Variants in KIF24 observed in about 807,000 individuals in gnomAD.
KIF24 encodes kinesin family member 24.
Under a neutral mutation model 118.9 loss-of-function variants are expected in KIF24, and 81 were observed. The ratio of observed to expected loss-of-function variants is 0.68; its 90% CI spans 0.57 to 0.82. The LOEUF is 0.82. Ranked by LOEUF, KIF24 falls within the 40% of genes least tolerant of loss-of-function variation. The pLI, the probability that KIF24 is intolerant of heterozygous loss-of-function variation, is 0.00. For missense variants in KIF24, 1,560 were observed against 1,661.6 expected, an observed-to-expected ratio of 0.94 and a Z score of 1.06; for synonymous variants, 599 against 610.0, an observed-to-expected ratio of 0.98 and a Z score of 0.27.
intron 6 of KIF24, among the ~76,000 whole-genome samples, chr9:34,285,356 G>A (rs751047724): frequency 2.7e-4 from 41 of 152,232 alleles, no homozygotes; most frequent in Middle Eastern, 3.4e-3. Context: ...GGCCAGGTGC[G>A]GTGGCTCACG....
chr9:34,259,711 C>G lies in KIF24; in HGVS notation c.1516-6G>C. 6.3e-7 allele frequency: 1 copy of G among 1,598,524 alleles called. No homozygotes were observed. The highest frequency in any genetic ancestry group is 8.6e-7 in the Non-Finnish European group (1 of 1,166,052). On this transcript the variant is annotated splice_polypyrimidine_tract_variant and splice_region_variant and intron_variant, in intron 9 of 12. Coordinates refer to ENST00000402558, the MANE Select transcript of KIF24 (RefSeq NM_194313.4). ...ATGAAAGAGTCCTTCAGGACCTGTC[C>G]AAAACAGAAGGCAGGTCAATGAGTG...
rs1406100970 is a variant in KIF24 at position 34,310,717 on chromosome 9, T to G, written c.623+7A>C. The G allele has an allele frequency of 4.5e-6, 7 of 1,563,176 alleles. No homozygotes were observed. The highest frequency in any genetic ancestry group is 6.0e-6 in the Non-Finnish European group (7 of 1,157,940). ...CCCTCAAAAGAAAGAAAGATAAAATTTATTACCTGATACAAGAATGAGGGA... is the reference window on the plus strand; with the variant it reads ...CCCTCAAAAGAAAGAAAGATAAAATGTATTACCTGATACAAGAATGAGGGA... On this transcript the variant is annotated splice_region_variant and intron_variant, in intron 2 of 12. Transcript: ENST00000402558.
rs1834880736 is a variant in KIF24 at position 34,257,150 on chromosome 9, T to C, written c.2457A>G (p.Gln819=). 2 of 1,614,062 alleles carry C rather than the reference T, an allele frequency of 1.2e-6. No homozygotes were observed. Among genetic ancestry groups the C allele is most frequent in the South Asian group, 1.1e-5 (1 of 91,092 alleles). The part of the protein sequence containing the change: ...HSYSENHDGA[Q]VEELDDSDFS... ...AATCACTGTCATCAAGTTCCTCTAC[T>C]TGGGCTCCATCATGGTTTTCAGAGT... The change falls in exon 11 of 13, where the codon CAA becomes CAG. Residue 819 remains glutamine, a synonymous_variant. Transcript: ENST00000402558.
chr9:34,279,917 G>A (rs1309523281), intron 6 of KIF24, among the ~76,000 whole-genome samples: 1 of 152,158 alleles, frequency 6.6e-6, no homozygotes, highest in African/African-American at 2.4e-5. Flanking sequence ...TGCAGACTGA[G>A]GGTATCAATG....
At chr9:34,303,757 G>C (rs1391338498) in intron 3 of KIF24, among the ~76,000 whole-genome samples, 2 of 152,184 alleles carry the variant, frequency 1.3e-5, no homozygotes, top group African/African-American at 2.4e-5. Flanking sequence ...GCTGAGGTGG[G>C]AGGATCATTT....
At chr9:34,279,683 G>A (rs1045377226) in intron 6 of KIF24, among the ~76,000 whole-genome samples, 4 of 152,240 alleles carry the variant, frequency 2.6e-5, no homozygotes, top group African/African-American at 7.2e-5. Context: ...TGATCTGAGA[G>A]GGTAATACTC....
Position 34,317,261 on chromosome 9 carries a change from G to A in KIF24, c.-25-5890C>T, listed in dbSNP as rs375364331. On this transcript the variant is annotated intron_variant, in intron 1 of 12. Coordinates refer to ENST00000402558, the MANE Select transcript of KIF24 (RefSeq NM_194313.4). Reference sequence around the variant, plus strand: ...AAAAATTGGCCAGGCATGGTGGCACGCGCCTGTAATCCCAGCTACTCTGGA... The same window carrying A: ...AAAAATTGGCCAGGCATGGTGGCACACGCCTGTAATCCCAGCTACTCTGGA... Among the ~76,000 whole-genome samples the A allele has an allele frequency of 2.0e-3, 296 of 150,834 alleles. 1 individual carries two copies. Among genetic ancestry groups the A allele is most frequent in the African/African-American group, 6.7e-3 (277 of 41,110 alleles).
In KIF24 at chr9:34,255,830, G is replaced by T. The variant is rs765293235; in HGVS notation, c.3777C>A (p.Ile1259=). The T allele has an allele frequency of 8.7e-6, 14 of 1,613,906 alleles. No individual in the cohort carries two copies. Among genetic ancestry groups the T allele is most frequent in the Admixed American group, 5.0e-5 (3 of 60,002 alleles). ...AACTTGGCCTTGCTAAGCACCTTGAGATCGGCCTGGGTTTGAGCCATGTGA... is the reference window on the plus strand; with the variant it reads ...AACTTGGCCTTGCTAAGCACCTTGATATCGGCCTGGGTTTGAGCCATGTGA... ...ENVTWLKPRP[I]SRCLARPSSP... is the part of the protein sequence containing the mutation. Residue 1259 remains isoleucine, a synonymous_variant, in exon 11 of 13, where the codon ATC becomes ATA. Coordinates refer to ENST00000402558, the MANE Select transcript of KIF24 (RefSeq NM_194313.4).
intron 7 of KIF24, among the ~76,000 whole-genome samples, chr9:34,270,433 G>A (rs538662312): frequency 3.0e-4 from 43 of 142,712 alleles, no homozygotes; most frequent in African/African-American, 1.0e-3. Flanking sequence ...GGAAAATGGC[G>A]TGAACCCGGG....
At chr9:34,275,387 C>A (rs1219589572) in intron 6 of KIF24, among the ~76,000 whole-genome samples, 1 of 151,866 alleles carries the variant, frequency 6.6e-6, no homozygotes, top group Non-Finnish European at 1.5e-5. Flanking sequence ...AAGCAAGACT[C>A]TGTCTCAAAA....
chr9:34,331,700 A>G (rs941965237), upstream of KIF24, among the ~76,000 whole-genome samples: 2 of 152,242 alleles, frequency 1.3e-5, no homozygotes, highest in African/African-American at 4.8e-5. Context: ...ATAATTTTAA[A>G]AAAGTAAATT....
intron 8 of KIF24, among the ~76,000 whole-genome samples, chr9:34,265,222 G>A (rs1309260518): frequency 6.6e-6 from 1 of 152,166 alleles, no homozygotes; most frequent in Admixed American, 6.5e-5. Context: ...AGGCTGGAGT[G>A]CAGTAGCACA....
chr9:34,261,574 T>C (rs914065283), intron 9 of KIF24, among the ~76,000 whole-genome samples: 4 of 152,248 alleles, frequency 2.6e-5, no homozygotes, highest in Non-Finnish European at 5.9e-5. Context: ...ATACAGTACA[T>C]GATCTTTTAA....
rs551787002 is a variant in KIF24, at chr9:34,292,160, A to C, written c.912-1771T>G. Among the ~76,000 whole-genome samples, 5 of 152,314 alleles carry C rather than the reference A, an allele frequency of 3.3e-5. No homozygotes were observed. In the South Asian group the frequency reaches 1.0e-3, roughly 32 times the overall value. On this transcript the variant is annotated intron_variant, in intron 4 of 12. Transcript: ENST00000402558. ...TGCCCTACTGTTGTCTACATTATCTAATGTAAAATGCAGTTCACTGGGCCA... is the reference window on the plus strand; with the variant it reads ...TGCCCTACTGTTGTCTACATTATCTCATGTAAAATGCAGTTCACTGGGCCA...
In KIF24 at chr9:34,254,346, C is replaced by T. The variant is rs1485396384; in HGVS notation, c.*34G>A. The T allele has an allele frequency of 6.3e-7, 1 of 1,584,944 alleles. No individual in the cohort carries two copies. The highest frequency in any genetic ancestry group is 1.3e-5 in the African/African-American group (1 of 74,354). ...CCTGAGAGCCCAGCACAGACTCCTG[C>T]AGGGCCCCCACCATCTCGGCACAGG... On this transcript the variant is annotated 3_prime_UTR_variant, in exon 13 of 13. Transcript: ENST00000402558.
intron 5 of KIF24, among the ~76,000 whole-genome samples, chr9:34,288,556 G>A (rs1389966996): frequency 6.6e-6 from 1 of 151,598 alleles, no homozygotes; most frequent in Non-Finnish European, 1.5e-5. Context: ...TGCCATCAAT[G>A]GACCAGAACA....
At chr9:34,294,574 ATT>A (rs2131766007) in intron 4 of KIF24, among the ~76,000 whole-genome samples, 1 of 152,250 alleles carries the variant, frequency 6.6e-6, no homozygotes, top group East Asian at 1.9e-4. Context: ...TTCATACTTT[ATT>A]CATAAAGTCC....
At chr9:34,330,356 G>A (rs913810641), upstream of KIF24, among the ~76,000 whole-genome samples, 9 of 152,214 alleles carry the variant, frequency 5.9e-5, no homozygotes, top group Non-Finnish European at 1.3e-4. Context: ...AGTGAGCGGA[G>A]GTCGCGCCAC....
rs936911167 is a variant in KIF24, at chr9:34,269,699, A to G, written c.1338-337T>C. On this transcript the variant is annotated intron_variant, in intron 7 of 12. Transcript: ENST00000402558. ...CTCCCAAAGTGCTGGGATTACAGGC[A>G]TGAGCCACCGCGCCTGGCCAGAAGC... 2.6e-5 allele frequency among the ~76,000 whole-genome samples: 4 copies of G among 151,760 alleles called. No individual in the cohort carries two copies. In the East Asian group the frequency reaches 5.9e-4, roughly 22 times the overall value.
Sources: gnomAD v4.1 joint callset for allele counts (sites outside exome capture counted in the v4.1 genomes callset) on GRCh38, gnomAD v4.1.1 for gene constraint, MANE v1.5 for transcripts, NCBI Gene and HGNC (gene_info 2026-07-23, HGNC 2026-07-21) for gene names.